The following CCDC178 variants were observed in gnomAD, a reference collection of about 807,000 sequenced individuals.
The protein encoded by CCDC178 is coiled-coil domain containing 178, also known as coiled-coil domain-containing protein 178.
CCDC178 carries 126 observed loss-of-function variants against 117.4 expected under a neutral mutation model. That is an observed-to-expected ratio of 1.07 (90% CI 0.93 to 1.24). The LOEUF is 1.24. CCDC178 is among the 50% of genes most tolerant of loss of function. The pLI is 0.00. For synonymous variants in CCDC178, 283 were observed against 313.4 expected, an observed-to-expected ratio of 0.90 and a Z score of 1.02; for missense variants, 1,030 against 986.9, an observed-to-expected ratio of 1.04 and a Z score of -0.59.
chr18:33,061,526 C>G (rs955289146), intron 21 of CCDC178, among the ~76,000 whole-genome samples: 1 of 152,062 alleles, frequency 6.6e-6, no homozygotes, highest in Non-Finnish European at 1.5e-5. Flanking sequence ...TTCCTGATAT[C>G]GTACACTTTT....
At chr18:33,175,307 A>G (rs192482478) in intron 20 of CCDC178, among the ~76,000 whole-genome samples, 37 of 152,172 alleles carry the variant, frequency 2.4e-4, no homozygotes, top group Non-Finnish European at 1.0e-4. Context: ...ATAATCCCTT[A>G]TGTTTGCTTG....
chr18:33,125,766 A>G (rs1278676943), intron 20 of CCDC178, among the ~76,000 whole-genome samples: 2 of 152,220 alleles, frequency 1.3e-5, no homozygotes, highest in Admixed American at 1.3e-4. Flanking sequence ...TTTTCAGAGC[A>G]TGTGACACCT....
intron 20 of CCDC178, among the ~76,000 whole-genome samples, chr18:33,204,107 A>G (rs543479931): frequency 6.6e-6 from 1 of 152,292 alleles, no homozygotes; most frequent in East Asian, 1.9e-4. Context: ...AACAAAATAT[A>G]GTCCAGGAAT....
chr18:32,992,335 C>A (rs2055412269), intron 21 of CCDC178, among the ~76,000 whole-genome samples: 1 of 152,064 alleles, frequency 6.6e-6, no homozygotes, highest in African/African-American at 2.4e-5. Context: ...TCTAAATACA[C>A]ATTTTGGATC....
At chr18:33,015,412 A>T (rs1239384221) in intron 21 of CCDC178, among the ~76,000 whole-genome samples, 1 of 151,872 alleles carries the variant, frequency 6.6e-6, no homozygotes, top group East Asian at 1.9e-4. Context: ...AAAAATACAA[A>T]CACTTAGCCG....
chr18:33,047,507 G>T (rs2056666227), intron 21 of CCDC178, among the ~76,000 whole-genome samples: 1 of 152,132 alleles, frequency 6.6e-6, no homozygotes, highest in South Asian at 2.1e-4. Context: ...ATTCTTTATG[G>T]ATGAAATTTT....
chr18:33,194,933 GGAGAGAGAGAGACAGAGA>G (rs1159597406), intron 20 of CCDC178, among the ~76,000 whole-genome samples: 3 of 137,506 alleles, frequency 2.2e-5, no homozygotes, highest in Non-Finnish European at 4.6e-5. Flanking sequence ...AGAGAGAGAG[GGAGAGAGAGAGACAGAGA>G]GAGAGAGAGA....
In CCDC178 at chr18:33,192,985, C is replaced by T. The variant is rs373128724; in HGVS notation, c.2238+18911G>A. ...AATAAAATGACAAATCTAGGCTGGG[C>T]GCGGTGGCTCACACCTATAATCCCA... On this transcript the variant is annotated intron_variant, in intron 20 of 22. Coordinates refer to ENST00000383096, the MANE Select transcript of CCDC178 (RefSeq NM_001105528.4). Among the ~76,000 whole-genome samples the T allele has an allele frequency of 1.4e-4, 21 of 151,028 alleles. No individual in the cohort carries two copies. The East Asian group carries it at 1.8e-3, about 13-fold the overall frequency.
chr18:33,240,028 T>C (rs1332463142), intron 15 of CCDC178, among the ~76,000 whole-genome samples: 1 of 151,942 alleles, frequency 6.6e-6, no homozygotes, highest in East Asian at 1.9e-4. Context: ...AAATTAAAAT[T>C]ATATCAAGTA....
chr18:33,300,267 C>A (rs765454051), intron 11 of CCDC178, among the ~76,000 whole-genome samples: 1 of 152,134 alleles, frequency 6.6e-6, no homozygotes, highest in African/African-American at 2.4e-5. Flanking sequence ...GCTTCTATAG[C>A]CTGCAGAACT....
chr18:33,323,740 T>C (rs1483600383), intron 10 of CCDC178, 107 bp from the exon 11 acceptor site: 1 of 648,296 alleles, frequency 1.5e-6, no homozygotes, highest in African/African-American at 1.9e-5. Flanking sequence ...TTTAGAAACA[T>C]TTTCTTCCCA....
chr18:32,975,523 G>C lies in CCDC178; in HGVS notation c.2389-842C>G, dbSNP rs1393199202. On this transcript the variant is annotated intron_variant, in intron 21 of 22. Coordinates refer to ENST00000383096, the MANE Select transcript of CCDC178 (RefSeq NM_001105528.4). ...CGCCATACAGAATTATTATAATAAGGCATTTTCAAAGGGATAAACATAAAA... is the reference window on the plus strand; with the variant it reads ...CGCCATACAGAATTATTATAATAAGCCATTTTCAAAGGGATAAACATAAAA... 1.3e-5 allele frequency among the ~76,000 whole-genome samples: 2 copies of C among 152,108 alleles called. 1 individual carries two copies. The highest frequency in any genetic ancestry group is 4.1e-4 in the South Asian group (2 of 4,820).
At chr18:33,423,633 T>G (rs1277475851) in intron 2 of CCDC178, among the ~76,000 whole-genome samples, 1 of 152,176 alleles carries the variant, frequency 6.6e-6, no homozygotes, top group African/African-American at 2.4e-5. Flanking sequence ...CATGTTGGTG[T>G]GTGTGTGTGT....
intron 18 of CCDC178, among the ~76,000 whole-genome samples, chr18:33,220,715 C>T (rs757685389): frequency 2.6e-5 from 4 of 152,046 alleles, no homozygotes; most frequent in African/African-American, 4.8e-5. Context: ...TAATAAATGA[C>T]GTTGATAATA....
intron 5 of CCDC178, among the ~76,000 whole-genome samples, chr18:33,384,172 T>C (rs184621564): frequency 3.0e-3 from 455 of 151,990 alleles, no homozygotes; most frequent in Admixed American, 4.6e-3. Flanking sequence ...TAAAAAAGAA[T>C]GAAATAAAAC....
intron 22 of CCDC178, among the ~76,000 whole-genome samples, chr18:32,938,636 G>A (rs1005417922): frequency 6.6e-6 from 1 of 151,766 alleles, no homozygotes; most frequent in Non-Finnish European, 1.5e-5. Context: ...CATACAGAAG[G>A]GTACTTAATA....
At chr18:33,293,065 T>G (rs1383394586) in intron 12 of CCDC178, 94 bp downstream of exon 12, 2 of 769,928 alleles carry the variant, frequency 2.6e-6, no homozygotes, top group Non-Finnish European at 4.0e-6. Flanking sequence ...ATAAAAAAAT[T>G]GGCCAATTGC....
At chr18:33,088,697 C>T (rs780885880) in intron 21 of CCDC178, among the ~76,000 whole-genome samples, 8 of 152,104 alleles carry the variant, frequency 5.3e-5, no homozygotes, top group Non-Finnish European at 1.0e-4. Context: ...CACACTGCTG[C>T]AGAGTAGTCC....
intron 12 of CCDC178, among the ~76,000 whole-genome samples, chr18:33,269,281 T>C (rs897787989): frequency 7.2e-5 from 11 of 151,778 alleles, no homozygotes; most frequent in Non-Finnish European, 1.3e-4. Context: ...GTAGATGAAC[T>C]AACAAACTAA....
Sources: gnomAD v4.1 joint callset for allele counts (sites outside exome capture counted in the v4.1 genomes callset) on GRCh38, gnomAD v4.1.1 for gene constraint, MANE v1.5 for transcripts, NCBI Gene and HGNC (gene_info 2026-07-23, HGNC 2026-07-21) for gene names.